Variants in BRWD1 observed in about 807,000 individuals in gnomAD.
BRWD1 encodes the protein bromodomain and WD repeat domain containing 1, also known as bromodomain and WD repeat-containing protein 1.
A neutral mutation model predicts 251.2 loss-of-function variants in BRWD1; 82 were observed. The ratio of observed to expected loss-of-function variants is 0.33; its 90% CI spans 0.27 to 0.39. The LOEUF is 0.39. BRWD1 is among the 10% of genes least tolerant of loss of function. The probability of loss-of-function intolerance (pLI) is 1.00; values close to 1 mark genes in which losing one functional copy is unlikely to be tolerated. For synonymous variants in BRWD1, 918 were observed against 902.8 expected (o/e 1.02, Z -0.30); for missense variants, 2,233 against 2,711.6 (o/e 0.82, Z 3.92).
In BRWD1 at chr21:39,219,072, G is replaced by A. The variant is rs186098378; in HGVS notation, c.3383-412C>T. Among the ~76,000 whole-genome samples the A allele has an allele frequency of 2.4e-3, 362 of 152,084 alleles. 9 individuals are homozygous for A. Among genetic ancestry groups the A allele is most frequent in the Middle Eastern group, 0.014 (4 of 294 alleles). On this transcript the variant is annotated intron_variant, in intron 29 of 40. Coordinates refer to ENST00000342449, the MANE Select transcript of BRWD1 (RefSeq NM_033656.4). ...GATAAATAATCCCACATGACAAATG[G>A]CTAATTTTCTTAAATTTTAAGGGAG...
At chr21:39,226,509 T>A (rs936974798) in intron 27 of BRWD1, among the ~76,000 whole-genome samples, 1 of 152,168 alleles carries the variant, frequency 6.6e-6, no homozygotes, top group South Asian at 2.1e-4. Flanking sequence ...TTTAAAAAAA[T>A]TAATGGACAT....
At chr21:39,208,760 G>C (rs1213294030) in intron 36 of BRWD1, among the ~76,000 whole-genome samples, 1 of 152,048 alleles carries the variant, frequency 6.6e-6, no homozygotes, top group African/African-American at 2.4e-5. Flanking sequence ...GTAGAGAAGG[G>C]GGCTCACCAT....
intron 13 of BRWD1, 98 bp from the exon 14 acceptor site, chr21:39,270,531 T>G: frequency 9.7e-7 from 1 of 1,030,058 alleles, no homozygotes; most frequent in African/African-American, 1.6e-5. Context: ...ATCCAACCCA[T>G]GTGCCTATCT....
rs577361505 is a variant in BRWD1 at position 39,278,590 on chromosome 21, G to A, written c.1003+153C>T. On this transcript the variant is annotated intron_variant, in intron 10 of 40. Transcript: ENST00000342449. ...GCAGACTGGAGGACTGGAAGAACAAGGCTAACAAAATAAACATCATAAATT... is the reference window on the plus strand; with the variant it reads ...GCAGACTGGAGGACTGGAAGAACAAAGCTAACAAAATAAACATCATAAATT... 2.3e-5 allele frequency: 13 copies of A among 571,992 alleles called. No homozygotes were observed. In the Admixed American group the frequency reaches 4.2e-4, roughly 19 times the overall value. The allele number at this position is 571,992 out of a possible 1,614,324, so 35.4% of individuals were successfully genotyped here. A position where few individuals can be genotyped will look rare whatever the true frequency, so the allele number is the denominator to read the frequency against.
rs2146633650 is a variant in BRWD1, at chr21:39,258,055, AT to A, written c.2071+431del. Among the ~76,000 whole-genome samples the A allele has an allele frequency of 1.3e-5, 2 of 152,290 alleles. 1 individual carries two copies. The highest frequency in any genetic ancestry group is 4.1e-4 in the South Asian group (2 of 4,828). ...GAGGGGAGACTGGTGATTGTTATGTATTTACTTCTACACTGTACTTTTAAGG... is the reference window on the plus strand; with the variant it reads ...GAGGGGAGACTGGTGATTGTTATGTATTACTTCTACACTGTACTTTTAAGG... On this transcript the variant is annotated intron_variant, in intron 18 of 40. Coordinates refer to ENST00000342449, the MANE Select transcript of BRWD1 (RefSeq NM_033656.4).
chr21:39,273,852 T>G lies in BRWD1; in HGVS notation c.1244+522A>C, dbSNP rs370816905. Reference sequence around the variant, plus strand: ...GATATGAAAAAGTGCAAAGTTAAAATCAGGAAACAAACTCTAAAGTAAAAT... The same window carrying G: ...GATATGAAAAAGTGCAAAGTTAAAAGCAGGAAACAAACTCTAAAGTAAAAT... On this transcript the variant is annotated intron_variant, in intron 13 of 40. Transcript: ENST00000342449. Among the ~76,000 whole-genome samples, 71 of 152,270 alleles carry G rather than the reference T, an allele frequency of 4.7e-4. No homozygotes were observed. The South Asian group carries it at 0.014, about 30-fold the overall frequency.
chr21:39,297,121 GA>G (rs1182741677), intron 5 of BRWD1: 3 of 984,858 alleles, frequency 3.0e-6, no homozygotes, highest in Middle Eastern at 5.2e-4. Context: ...AATGCACTAA[GA>G]AAAAAAAGTC....
At chr21:39,256,497 G>A (rs2034565838) in intron 18 of BRWD1, among the ~76,000 whole-genome samples, 1 of 152,158 alleles carries the variant, frequency 6.6e-6, no homozygotes, top group South Asian at 2.1e-4. Context: ...ACTAAAGCTG[G>A]GCAGGTGGGT....
Position 39,193,560 on chromosome 21 carries a change from T to TAA in BRWD1, c.*2697_*2698dup, listed in dbSNP as rs1044897199. 1.0e-6 allele frequency: 1 copy of TAA among 985,412 alleles called. No homozygotes were observed. Among genetic ancestry groups the TAA allele is most frequent in the Admixed American group, 6.2e-5 (1 of 16,224 alleles). The allele number at this position is 985,412 out of a possible 1,614,324, so 61.0% of individuals were successfully genotyped here. ...GAGTACTTCAAAGCCTGTAAAACCA[T>TAA]AAATGAATAAAACCATAGGACTTTG... On this transcript the variant is annotated 3_prime_UTR_variant, in exon 41 of 41. Coordinates refer to ENST00000342449, the MANE Select transcript of BRWD1 (RefSeq NM_033656.4).
chr21:39,217,356 GA>G (rs34586325), intron 31 of BRWD1: 163,163 of 163,164 alleles, frequency 1, 81,581 homozygotes, highest in Non-Finnish European at 1. Context: ...TGGGCCTCAT[GA>G]AAGTGCTGGG....
chr21:39,227,667 T>C (rs1411127818), intron 27 of BRWD1, among the ~76,000 whole-genome samples: 1 of 152,204 alleles, frequency 6.6e-6, no homozygotes, highest in Non-Finnish European at 1.5e-5. Flanking sequence ...AAGCAAAGTG[T>C]ATATGAATTT....
intron 4 of BRWD1, among the ~76,000 whole-genome samples, chr21:39,300,073 A>G (rs1374240198): frequency 3.3e-5 from 5 of 152,188 alleles, no homozygotes; most frequent in African/African-American, 1.2e-4. Context: ...AAGAATAAGA[A>G]AAAACCACTC....
intron 12 of BRWD1, among the ~76,000 whole-genome samples, chr21:39,274,869 G>A (rs192328965): frequency 9.5e-4 from 144 of 152,146 alleles, no homozygotes; most frequent in African/African-American, 3.1e-3. Flanking sequence ...GTGAAACCCC[G>A]TCTCTACTAA....
rs555988729 is a variant in BRWD1, at chr21:39,269,280, A to C, written c.1530+619T>G. ...TTTTTTTTTAAGAATACACCTGTAC[A>C]TAAAGAAAAAAGGCCGGGAAAACCT... On this transcript the variant is annotated intron_variant, in intron 15 of 40. Coordinates refer to ENST00000342449, the MANE Select transcript of BRWD1 (RefSeq NM_033656.4). Among the ~76,000 whole-genome samples the C allele has an allele frequency of 3.3e-5, 5 of 151,764 alleles. 1 individual carries two copies. The highest frequency in any genetic ancestry group is 1.2e-4 in the African/African-American group (5 of 41,470).
At chr21:39,308,352 C>T (rs555242789) in intron 4 of BRWD1, among the ~76,000 whole-genome samples, 1 of 152,118 alleles carries the variant, frequency 6.6e-6, no homozygotes, top group East Asian at 1.9e-4. Flanking sequence ...CATAGTGGTA[C>T]ATGTCTGTAA....
In BRWD1 at chr21:39,195,871, G is replaced by C. The variant is rs1009306186; in HGVS notation, c.*388C>G. The C allele has an allele frequency of 1.0e-5, 10 of 996,498 alleles. No individual in the cohort carries two copies. Among genetic ancestry groups the C allele is most frequent in the Middle Eastern group, 5.1e-4 (1 of 1,980 alleles). The allele number at this position is 996,498 out of a possible 1,614,324, so 61.7% of individuals were successfully genotyped here. On this transcript the variant is annotated 3_prime_UTR_variant, in exon 41 of 41. Coordinates refer to ENST00000342449, the MANE Select transcript of BRWD1 (RefSeq NM_033656.4). The stretch of plus-strand genomic sequence containing the variant: ...TTGTGAAATTGTTGTAACTACTATA[G>C]AACAGGGGTTAGAAACTACTGCCTC...
chr21:39,218,383 T>A (rs762547926), intron 30 of BRWD1, 111 bp from the exon 31 acceptor site: 1 of 1,442,516 alleles, frequency 6.9e-7, no homozygotes, highest in Non-Finnish European at 9.3e-7. Context: ...CAGGCTAAAT[T>A]AAAAGATAAC....
At chr21:39,217,883 A>G (rs2033020469) in intron 31 of BRWD1, among the ~76,000 whole-genome samples, 1 of 152,206 alleles carries the variant, frequency 6.6e-6, no homozygotes, top group African/African-American at 2.4e-5. Context: ...GTGAAAGTTT[A>G]CTGAAATAAG....
rs528016902 is a variant in BRWD1, at chr21:39,202,317, C to T, written c.4585+8G>A. 23 of 1,597,916 alleles carry T rather than the reference C, an allele frequency of 1.4e-5. No individual in the cohort carries two copies. The highest frequency in any genetic ancestry group is 1.9e-5 in the Non-Finnish European group (22 of 1,167,700). On this transcript the variant is annotated splice_region_variant and intron_variant, in intron 38 of 40. Transcript: ENST00000342449. ...AGCAAAGAAATAACATAGTATTTCACTTCTCACCAGATAATGTAGAACCAT... is the reference window on the plus strand; with the variant it reads ...AGCAAAGAAATAACATAGTATTTCATTTCTCACCAGATAATGTAGAACCAT...
Sources: allele counts gnomAD v4.1 joint callset (sites outside exome capture counted in the v4.1 genomes callset), GRCh38; gene constraint gnomAD v4.1.1; transcripts MANE v1.5; gene names NCBI Gene and HGNC (gene_info 2026-07-23, HGNC 2026-07-21).